NRXN3: variants seen among roughly 807,000 people sequenced by gnomAD.
NRXN3 encodes the protein neurexin 3.
NRXN3 carries 32 observed loss-of-function variants against 137.6 expected under a neutral mutation model. That is an observed-to-expected ratio of 0.23 (90% CI 0.18 to 0.31). The LOEUF is 0.31. Among genes scored for constraint, NRXN3 ranks in the 10% least tolerant of loss-of-function variants. The pLI is 1.00. For synonymous variants in NRXN3, 798 were observed against 784.5 expected, an observed-to-expected ratio of 1.02 and a Z score of -0.29; for missense variants, 1,574 against 2,062.5, an observed-to-expected ratio of 0.76 and a Z score of 4.59.
intron 16 of NRXN3, among the ~76,000 whole-genome samples, chr14:79,620,152 G>A (rs541237077): frequency 2.0e-5 from 3 of 152,188 alleles, no homozygotes; most frequent in Non-Finnish European, 2.9e-5. Flanking sequence ...GGGCACGATT[G>A]AATAATTTCC....
chr14:78,568,203 G>T (rs2096854542), intron 4 of NRXN3, among the ~76,000 whole-genome samples: 1 of 152,172 alleles, frequency 6.6e-6, no homozygotes, highest in Non-Finnish European at 1.5e-5. Context: ...TCACCAATGT[G>T]ATGGTATTAG....
At chr14:79,358,607 G>GAAAGAGAA (rs10667477) in intron 15 of NRXN3, among the ~76,000 whole-genome samples, 3,297 of 79,852 alleles carry the variant, frequency 0.041, 152 homozygotes, top group Middle Eastern at 0.076. Flanking sequence ...AAGAAAGAAA[G>GAAAGAGAA]AGAAAGAAAG....
chr14:78,565,634 T>G (rs1465219325), intron 4 of NRXN3, among the ~76,000 whole-genome samples: 1 of 152,260 alleles, frequency 6.6e-6, no homozygotes, highest in East Asian at 1.9e-4. Context: ...AAGGTTGCTA[T>G]GAGGTGCCAG....
At chr14:78,783,303 G>GA (rs916398801) in intron 8 of NRXN3, among the ~76,000 whole-genome samples, 2 of 152,016 alleles carry the variant, frequency 1.3e-5, no homozygotes, top group African/African-American at 2.4e-5. Flanking sequence ...CTCCAATCCT[G>GA]AAAAAACACT....
At position 78,731,329 on chromosome 14, in the gene NRXN3, T is replaced by C. The variant is rs888296157; in HGVS notation, c.2044+16190T>C. 3.9e-5 allele frequency among the ~76,000 whole-genome samples: 6 copies of C among 152,250 alleles called. No homozygotes were observed. The East Asian group carries it at 1.2e-3, about 29-fold the overall frequency. ...GGGTTATTGCTAACATTATAGATTA[T>C]GAATCTCCATTTAAAAAAATAAACA... is the stretch of plus-strand genomic sequence containing the variant. On this transcript the variant is annotated intron_variant, in intron 8 of 20. Coordinates refer to ENST00000335750, the MANE Select transcript of NRXN3 (RefSeq NM_001330195.2).
At chr14:79,104,353 A>G (rs1288575188) in intron 15 of NRXN3, among the ~76,000 whole-genome samples, 2 of 152,148 alleles carry the variant, frequency 1.3e-5, no homozygotes. Flanking sequence ...GAATGAGTTA[A>G]TGAGGCTATG....
At chr14:78,951,414 A>G (rs2099386849) in intron 10 of NRXN3, among the ~76,000 whole-genome samples, 1 of 151,988 alleles carries the variant, frequency 6.6e-6, no homozygotes, top group Admixed American at 6.6e-5. Context: ...TTCTCTGATC[A>G]TCTCATTTAG....
chr14:78,196,533 A>G (rs2061245530), intron 1 of NRXN3, among the ~76,000 whole-genome samples: 1 of 152,222 alleles, frequency 6.6e-6, no homozygotes, highest in African/African-American at 2.4e-5. Flanking sequence ...CTAGGTGGCA[A>G]CAGAGAGCAA....
intron 4 of NRXN3, among the ~76,000 whole-genome samples, chr14:78,388,475 AT>A (rs979276893): frequency 1.3e-4 from 19 of 150,932 alleles, no homozygotes; most frequent in African/African-American, 3.4e-4. Context: ...TAAGCACAAG[AT>A]TTTTTTTTTC....
intron 16 of NRXN3, among the ~76,000 whole-genome samples, chr14:79,557,897 T>C (rs1316214854): frequency 6.6e-6 from 1 of 152,152 alleles, no homozygotes; most frequent in African/African-American, 2.4e-5. Context: ...ATTTCAAAAT[T>C]GGAGTCCATC....
chr14:78,956,676 A>G (rs190696287), intron 10 of NRXN3, among the ~76,000 whole-genome samples: 1 of 152,306 alleles, frequency 6.6e-6, no homozygotes, highest in African/African-American at 2.4e-5. Context: ...AAAACTTGAC[A>G]GTATTACTAT....
intron 8 of NRXN3, among the ~76,000 whole-genome samples, chr14:78,796,136 G>A (rs2098820942): frequency 6.6e-6 from 1 of 152,174 alleles, no homozygotes; most frequent in African/African-American, 2.4e-5. Flanking sequence ...CTTTTATCCA[G>A]CCCCCGTTTA....
chr14:79,608,456 G>T (rs1041066061), intron 16 of NRXN3, among the ~76,000 whole-genome samples: 1 of 152,180 alleles, frequency 6.6e-6, no homozygotes, highest in Non-Finnish European at 1.5e-5. Flanking sequence ...CTCTGGTGTT[G>T]TGAAGTGTCA....
intron 1 of NRXN3, among the ~76,000 whole-genome samples, chr14:78,181,350 T>A (rs2059790099): frequency 6.6e-6 from 1 of 152,086 alleles, no homozygotes; most frequent in South Asian, 2.1e-4. Flanking sequence ...GAGGTGGAGA[T>A]CTCTAGGGGT....
At chr14:78,687,469 T>C (rs1205969817) in intron 6 of NRXN3, among the ~76,000 whole-genome samples, 1 of 152,196 alleles carries the variant, frequency 6.6e-6, no homozygotes, top group Non-Finnish European at 1.5e-5. Context: ...ACAGGATTTA[T>C]TGATGAATTG....
At chr14:78,652,318 T>C (rs773086872) in intron 6 of NRXN3, among the ~76,000 whole-genome samples, 21 of 152,202 alleles carry the variant, frequency 1.4e-4, no homozygotes, top group Non-Finnish European at 3.1e-4. Context: ...TTTATTACCA[T>C]TGTAGCTGAT....
At position 78,289,718 on chromosome 14, in the gene NRXN3, G is replaced by A. The variant is rs143455423; in HGVS notation, c.728-8113G>A. Among the ~76,000 whole-genome samples, 111 of 152,008 alleles carry A rather than the reference G, an allele frequency of 7.3e-4. 1 individual carries two copies. In the East Asian group the frequency reaches 0.019, roughly 26 times the overall value. ...ATCACGAGGTCAAGAGATCAAGACC[G>A]TCCTGGCCAACATGGTTAAACCCCG... is the stretch of plus-strand genomic sequence containing the variant. On this transcript the variant is annotated intron_variant, in intron 3 of 20. Transcript: ENST00000335750.
intron 16 of NRXN3, among the ~76,000 whole-genome samples, chr14:79,589,550 T>TAAAAAAAAAAAAAA (rs58740411): frequency 1.1e-5 from 1 of 87,050 alleles, no homozygotes; most frequent in East Asian, 3.5e-4. Flanking sequence ...GTAGAATACC[T>TAAAAAAAAAAAAAA]AAAAAAAAAA....
chr14:79,745,004 A>G (rs1013727466), intron 19 of NRXN3, among the ~76,000 whole-genome samples: 4 of 148,798 alleles, frequency 2.7e-5, no homozygotes, highest in Admixed American at 6.6e-5. Context: ...AAAGTTGAAT[A>G]TAAGTCATAT....
Sources: allele counts gnomAD v4.1 joint callset (sites outside exome capture counted in the v4.1 genomes callset), GRCh38; gene constraint gnomAD v4.1.1; transcripts MANE v1.5; gene names NCBI Gene and HGNC (gene_info 2026-07-23, HGNC 2026-07-21).